The following NPDC1 variants were observed in gnomAD, a reference collection of about 807,000 sequenced individuals.
NPDC1 encodes the protein neural proliferation, differentiation and control 1.
A neutral mutation model predicts 32.5 loss-of-function variants in NPDC1; 18 were observed. That is an observed-to-expected ratio of 0.55 (90% CI 0.38 to 0.82). NPDC1 has a LOEUF of 0.82. NPDC1 is among the 40% of genes least tolerant of loss of function. The pLI, the probability that NPDC1 is intolerant of heterozygous loss-of-function variation, is 0.00. For missense variants in NPDC1, 468 were observed against 406.6 expected, an observed-to-expected ratio of 1.15 and a Z score of -1.30; for synonymous variants, 210 against 184.7, an observed-to-expected ratio of 1.14 and a Z score of -1.11.
At chr9:137,045,653 A>G (rs996277969) in intron 1 of NPDC1, among the ~76,000 whole-genome samples, 1 of 152,208 alleles carries the variant, frequency 6.6e-6, no homozygotes, top group Non-Finnish European at 1.5e-5. Context: ...GGGAACCGGC[A>G]GAAGCCCCAT....
chr9:137,041,084 G>A lies in NPDC1; in HGVS notation c.363C>T (p.Asp121=). 1.3e-6 allele frequency: 2 copies of A among 1,529,170 alleles called. No individual in the cohort carries two copies. Among genetic ancestry groups the A allele is most frequent in the Non-Finnish European group, 1.8e-6 (2 of 1,140,626 alleles). 94.7% of individuals were successfully genotyped at this position (1,529,170 alleles called of 1,614,324 possible). The stretch of plus-strand genomic sequence containing the variant: ...CACCAGGCTCCGGGAGCCGCTGTCG[G>A]TCCTTGGGTAGGGGCGGAGTTGAGT... ...SGHSTPPLPK[D]RQRLPEPATL... Residue 121 remains aspartate, a synonymous_variant, in exon 3 of 9, where the codon GAC becomes GAT. Coordinates refer to ENST00000371601, the MANE Select transcript of NPDC1 (RefSeq NM_015392.4).
At chr9:137,042,309 A>G (rs200661105) in intron 2 of NPDC1, among the ~76,000 whole-genome samples, 3 of 151,832 alleles carry the variant, frequency 2.0e-5, no homozygotes, top group East Asian at 3.9e-4. Flanking sequence ...GCTGGAGTGC[A>G]GTGGCGCGAT....
At position 137,042,936 on chromosome 9, in the gene NPDC1, G is replaced by T; in HGVS notation, c.250C>A (p.Arg84=). 1 of 1,596,576 alleles carries T rather than the reference G, an allele frequency of 6.3e-7. No individual in the cohort carries two copies. The highest frequency in any genetic ancestry group is 1.3e-5 in the African/African-American group (1 of 74,564). Residue 84 remains arginine (R), a synonymous_variant, in exon 2 of 9, where the codon CGG becomes AGG. Transcript: ENST00000371601. ...CCCTTTGCTCTCGTACCTGGAGGCC[G>T]GCGCATCCTGGGCACACAGAGCCCT... ...QQGLCVPRMR[R]PPGGGRPQPR...
In NPDC1 at chr9:137,046,007, G is replaced by A. The variant is rs147069012; in HGVS notation, c.-18C>T. On this transcript the variant is annotated 5_prime_UTR_variant, in exon 1 of 9. Transcript: ENST00000371601. ...GTCGCCATCCTTCAGCGCCGCCGCCGGGGCAGCATGGCACCGCGAGGCCAG... is the reference window on the plus strand; with the variant it reads ...GTCGCCATCCTTCAGCGCCGCCGCCAGGGCAGCATGGCACCGCGAGGCCAG... 0.012 allele frequency: 14,425 copies of A among 1,190,712 alleles called. 117 individuals carry two copies. The highest frequency in any genetic ancestry group is 0.014 in the Non-Finnish European group (13,198 of 961,278). 73.8% of individuals were successfully genotyped at this position (1,190,712 alleles called of 1,614,324 possible).
rs773922387 is a variant in NPDC1, at chr9:137,041,081, T to C, written c.366A>G (p.Arg122=). The C allele has an allele frequency of 1.3e-6, 2 of 1,526,690 alleles. No homozygotes were observed. Among genetic ancestry groups the C allele is most frequent in the South Asian group, 2.6e-5 (2 of 76,922 alleles). 94.6% of individuals were successfully genotyped at this position (1,526,690 alleles called of 1,614,324 possible). ...TCTCACCAGGCTCCGGGAGCCGCTG[T>C]CGGTCCTTGGGTAGGGGCGGAGTTG... ...GHSTPPLPKD[R]QRLPEPATLG... The change falls in exon 3 of 9, where the codon CGA becomes CGG. Residue 122 remains arginine (R), a synonymous_variant. Coordinates refer to ENST00000371601, the MANE Select transcript of NPDC1 (RefSeq NM_015392.4).
rs769448616 is a variant in NPDC1 at position 137,042,958 on chromosome 9, C to G, written c.228G>C (p.Gly76=). The change falls in exon 2 of 9, where the codon GGG becomes GGC. Residue 76 remains glycine (G), a synonymous_variant. Transcript: ENST00000371601. The part of the protein sequence containing the change: ...CLQPFQEDQQ[G]LCVPRMRRPP... The stretch of plus-strand genomic sequence containing the variant: ...GCCGGCGCATCCTGGGCACACAGAG[C>G]CCTTGCTGGTCCTCCTGGAAGGGCT... 1 of 1,610,090 alleles carries G rather than the reference C, an allele frequency of 6.2e-7. No homozygotes were observed. Among genetic ancestry groups the G allele is most frequent in the Admixed American group, 1.7e-5 (1 of 59,672 alleles).
At chr9:137,044,708 C>A (rs561618380) in intron 1 of NPDC1, among the ~76,000 whole-genome samples, 4 of 152,254 alleles carry the variant, frequency 2.6e-5, no homozygotes, top group African/African-American at 7.2e-5. Context: ...GAGGCAGACA[C>A]GAAGCTGCAG....
chr9:137,042,302 G>T (rs1403531513), intron 2 of NPDC1, among the ~76,000 whole-genome samples: 1 of 152,082 alleles, frequency 6.6e-6, no homozygotes, highest in Non-Finnish European at 1.5e-5. Flanking sequence ...CGCCCAGGCT[G>T]GAGTGCAGTG....
Position 137,040,960 on chromosome 9 carries a change from C to A in NPDC1, c.410G>T (p.Gly137Val). The change falls in exon 4 of 9, where the codon GGG (glycine) becomes GTG (valine). Residue 137 changes from glycine to valine, a missense_variant. By Grantham distance (109) the Gly-to-Val change is moderately radical. Coordinates refer to ENST00000371601, the MANE Select transcript of NPDC1 (RefSeq NM_015392.4). ...GGGGAGGCCCAGCTCCAGCCCCTGC[C>A]CCCGTGCCGAGAAGCCCAGGGTGGC... ...EPATLGFSAR[G>V]QGLELGLPST... 6.5e-7 allele frequency: 1 copy of A among 1,545,520 alleles called. No homozygotes were observed. The highest frequency in any genetic ancestry group is 8.7e-7 in the Non-Finnish European group (1 of 1,149,034).
chr9:137,041,082 C>G lies in NPDC1; in HGVS notation c.365G>C (p.Arg122Pro), dbSNP rs143244193. 4 of 1,526,368 alleles carry G rather than the reference C, an allele frequency of 2.6e-6. No individual in the cohort carries two copies. The highest frequency in any genetic ancestry group is 1.4e-5 in the African/African-American group (1 of 71,836). 94.6% of individuals were successfully genotyped at this position (1,526,368 alleles called of 1,614,324 possible). A position where few individuals can be genotyped will look rare whatever the true frequency, so the allele number is the denominator to read the frequency against. The change falls in exon 3 of 9, where the codon CGA becomes CCA. Residue 122 changes from arginine to proline, a missense_variant. Arg to Pro is a moderately radical substitution (Grantham distance 103, BLOSUM62 -2). Transcript: ENST00000371601. The stretch of plus-strand genomic sequence containing the variant: ...CTCACCAGGCTCCGGGAGCCGCTGT[C>G]GGTCCTTGGGTAGGGGCGGAGTTGA... ...GHSTPPLPKD[R>P]QRLPEPATLG...
rs184895827 is a variant in NPDC1, at chr9:137,043,349, C to T, written c.113-276G>A. The T allele has an allele frequency of 8.5e-4, 607 of 717,098 alleles. No homozygotes were observed. The African/African-American group carries it at 9.3e-3, about 11-fold the overall frequency. The allele number at this position is 717,098 out of a possible 1,614,324, so 44.4% of individuals were successfully genotyped here. A position where few individuals can be genotyped will look rare whatever the true frequency, so the allele number is the denominator to read the frequency against. Reference sequence around the variant, plus strand: ...CCTCAGCTCAGAAGCTGAGTCTCGCCGTCCAGGCAGTGCTGAGTTCTCCTG... The same window carrying T: ...CCTCAGCTCAGAAGCTGAGTCTCGCTGTCCAGGCAGTGCTGAGTTCTCCTG... On this transcript the variant is annotated intron_variant, in intron 1 of 8. Coordinates refer to ENST00000371601, the MANE Select transcript of NPDC1 (RefSeq NM_015392.4).
intron 6 of NPDC1, 34 bp from the exon 7 acceptor site, chr9:137,040,470 G>A (rs1305900023): frequency 2.5e-5 from 39 of 1,570,284 alleles, no homozygotes; most frequent in Non-Finnish European, 3.2e-5. Flanking sequence ...TCAGTTGGCG[G>A]CCAGAGTTGG....
At chr9:137,043,253 A>G (rs747884999) in intron 1 of NPDC1, 180 bp from the exon 2 acceptor site, 1 of 763,558 alleles carries the variant, frequency 1.3e-6, no homozygotes, top group East Asian at 2.7e-5. Flanking sequence ...CCGGAAGCGA[A>G]CAGTCCTAGG....
chr9:137,042,738 A>C, intron 2 of NPDC1, 189 bp downstream of exon 2: 1 of 623,594 alleles, frequency 1.6e-6, no homozygotes, highest in East Asian at 2.8e-5. Flanking sequence ...TTGTATTTTT[A>C]GTAGAGACGG....
In NPDC1 at chr9:137,043,163, G is replaced by A. The variant is rs111708390; in HGVS notation, c.113-90C>T. ...AGCGCTGCCCCAGCCACCCGCCCCCGTCACCCCCCGAGCTGGCCGGGCCTG... is the reference window on the plus strand; with the variant it reads ...AGCGCTGCCCCAGCCACCCGCCCCCATCACCCCCCGAGCTGGCCGGGCCTG... On this transcript the variant is annotated intron_variant, in intron 1 of 8. Transcript: ENST00000371601. The A allele has an allele frequency of 4.2e-3, 4,819 of 1,139,312 alleles. 121 individuals are homozygous for A. In the African/African-American group the frequency reaches 0.073, roughly 17 times the overall value. The allele number at this position is 1,139,312 out of a possible 1,614,324, so 70.6% of individuals were successfully genotyped here.
At chr9:137,044,879 G>A (rs970080320) in intron 1 of NPDC1, among the ~76,000 whole-genome samples, 2 of 152,230 alleles carry the variant, frequency 1.3e-5, no homozygotes, top group Non-Finnish European at 2.9e-5. Context: ...CAGGGGCACT[G>A]AGCCCAGGAG....
Position 137,039,693 on chromosome 9 carries a change from T to C in NPDC1, c.*79A>G. ...AAGCACACAGCATCAAAACATGTTTTTAGTGGGAAGCTCCAGGCCCTGCCC... is the reference window on the plus strand; with the variant it reads ...AAGCACACAGCATCAAAACATGTTTCTAGTGGGAAGCTCCAGGCCCTGCCC... On this transcript the variant is annotated 3_prime_UTR_variant, in exon 9 of 9. Transcript: ENST00000371601. 1 of 642,602 alleles carries C rather than the reference T, an allele frequency of 1.6e-6. No individual in the cohort carries two copies. The highest frequency in any genetic ancestry group is 2.8e-6 in the Non-Finnish European group (1 of 356,050). The allele number at this position is 642,602 out of a possible 1,614,324, so 39.8% of individuals were successfully genotyped here.
Position 137,039,877 on chromosome 9 carries a change from G to A in NPDC1, c.886-13C>T, listed in dbSNP as rs1832019588. 4 of 779,386 alleles carry A rather than the reference G, an allele frequency of 5.1e-6. No homozygotes were observed. The highest frequency in any genetic ancestry group is 9.6e-6 in the Non-Finnish European group (4 of 418,008). The allele number at this position is 779,386 out of a possible 1,614,324, so 48.3% of individuals were successfully genotyped here. On this transcript the variant is annotated splice_polypyrimidine_tract_variant and intron_variant, in intron 8 of 8. Coordinates refer to ENST00000371601, the MANE Select transcript of NPDC1 (RefSeq NM_015392.4). Reference sequence around the variant, plus strand: ...CCATTTCCCCGGTCTGCGAATGTGGGTGTCAGGCTGGGCAGTGGGTGGGCT... The same window carrying A: ...CCATTTCCCCGGTCTGCGAATGTGGATGTCAGGCTGGGCAGTGGGTGGGCT...
chr9:137,040,244 A>T (rs1832025474), intron 7 of NPDC1, 113 bp downstream of exon 7: 1 of 937,488 alleles, frequency 1.1e-6, no homozygotes. Flanking sequence ...GTTAGCGTGC[A>T]GGTGAGGGTG....
Sources: gnomAD v4.1 joint callset for allele counts (sites outside exome capture counted in the v4.1 genomes callset) on GRCh38, gnomAD v4.1.1 for gene constraint, MANE v1.5 for transcripts, NCBI Gene and HGNC (gene_info 2026-07-23, HGNC 2026-07-21) for gene names.